RITA1: variants seen among roughly 807,000 people sequenced by gnomAD.
The protein encoded by RITA1 is RBPJ-interacting and tubulin-associated protein 1.
In RITA1, 15 loss-of-function variants were observed where a neutral mutation model predicts 8.7. The observed-to-expected ratio is 1.72, with a 90% confidence interval of 1.15 to 2.65. The LOEUF (loss-of-function observed/expected upper bound fraction) is 2.65. RITA1 is among the 30% of genes most tolerant of loss of function. The probability of loss-of-function intolerance (pLI) is 0.00; values close to 1 mark genes in which losing one functional copy is unlikely to be tolerated. For synonymous variants in RITA1, 145 were observed against 156.2 expected, an observed-to-expected ratio of 0.93 and a Z score of 0.53; for missense variants, 330 against 363.8, an observed-to-expected ratio of 0.91 and a Z score of 0.76.
chr12:113,186,970 G>C lies in RITA1; in HGVS notation c.224G>C (p.Gly75Ala). 6.2e-7 allele frequency: 1 copy of C among 1,613,516 alleles called. No individual in the cohort carries two copies. Among genetic ancestry groups the C allele is most frequent in the Non-Finnish European group, 8.5e-7 (1 of 1,179,796 alleles). Residue 75 changes from glycine (G) to alanine (A), a missense_variant, in exon 3 of 4, where the codon GGG becomes GCG. Physicochemically the swap from Gly to Ala is moderately conservative, Grantham distance 60. Transcript: ENST00000548278. The part of the protein sequence containing the change: ...GVGKEASKAL[G>A]AKGSCETTPS... Reference sequence around the variant, plus strand: ...GGCAAGGAGGCATCGAAGGCCTTGGGGGCAAAGGGGAGCTGTGAGACCACC... The same window carrying C: ...GGCAAGGAGGCATCGAAGGCCTTGGCGGCAAAGGGGAGCTGTGAGACCACC...
In RITA1 at chr12:113,191,529, G is replaced by C; in HGVS notation, c.522G>C (p.Pro174=). 1 of 1,612,458 alleles carries C rather than the reference G, an allele frequency of 6.2e-7. No individual in the cohort carries two copies. Among genetic ancestry groups the C allele is most frequent in the Middle Eastern group, 1.7e-4 (1 of 6,058 alleles). ...IHPAGPSKTE[P]GPAADSQKLS... Reference sequence around the variant, plus strand: ...CAGCTGGTCCCTCCAAGACAGAGCCGGGGCCAGCGGCAGACTCCCAGAAGT... The same window carrying C: ...CAGCTGGTCCCTCCAAGACAGAGCCCGGGCCAGCGGCAGACTCCCAGAAGT... The change falls in exon 4 of 4, where the codon CCG becomes CCC. Residue 174 remains proline (P), a synonymous_variant. Transcript: ENST00000548278. This position sits in a 1 kb window ranked among gnomAD's most constrained non-coding sequence, Gnocchi z 4.0.
At chr12:113,188,426 C>A (rs954625141) in intron 3 of RITA1, among the ~76,000 whole-genome samples, 4 of 152,052 alleles carry the variant, frequency 2.6e-5, no homozygotes, top group African/African-American at 9.7e-5. Flanking sequence ...TCAGGCTGAT[C>A]TTGAACTCCC....
chr12:113,190,544 G>A (rs1168135612), intron 3 of RITA1, among the ~76,000 whole-genome samples: 10 of 152,302 alleles, frequency 6.6e-5, no homozygotes, highest in African/African-American at 2.2e-4. Flanking sequence ...AGCTATTAGG[G>A]AGGCTGAGGT....
intron 3 of RITA1, among the ~76,000 whole-genome samples, chr12:113,187,799 A>G (rs1371130335): frequency 6.6e-6 from 1 of 151,362 alleles, no homozygotes; most frequent in Non-Finnish European, 1.5e-5. Flanking sequence ...TTCTTGCTGC[A>G]TTTTTATGAA....
intron 3 of RITA1, among the ~76,000 whole-genome samples, chr12:113,190,571 C>T (rs1261323498): frequency 1.3e-5 from 2 of 152,140 alleles, no homozygotes; most frequent in Non-Finnish European, 2.9e-5. Flanking sequence ...ATTGCTTGGG[C>T]CCAGGAATTT....
intron 3 of RITA1, among the ~76,000 whole-genome samples, chr12:113,188,120 C>G (rs1743420781): frequency 6.6e-6 from 1 of 151,948 alleles, no homozygotes; most frequent in Non-Finnish European, 1.5e-5. Flanking sequence ...ACGATCTTGG[C>G]TCACCACAAC....
rs1336887764 is a variant in RITA1 at position 113,187,159 on chromosome 12, T to G, written c.302+111T>G. On this transcript the variant is annotated intron_variant, in intron 3 of 3. Transcript: ENST00000548278. ...CCTTGGGCAAGCATCTTGACCTCTC[T>G]GAGCCAGTTTACTCATGTGGAAAAT... 11 of 1,166,236 alleles carry G rather than the reference T, an allele frequency of 9.4e-6. No individual in the cohort carries two copies. The East Asian group carries it at 2.8e-4, about 30-fold the overall frequency. The allele number at this position is 1,166,236 out of a possible 1,614,324, so 72.2% of individuals were successfully genotyped here. A position where few individuals can be genotyped will look rare whatever the true frequency, so the allele number is the denominator to read the frequency against.
rs917473568 is a variant in RITA1 at position 113,191,988 on chromosome 12, C to T, written c.*171C>T. 7 of 850,122 alleles carry T rather than the reference C, an allele frequency of 8.2e-6. No individual in the cohort carries two copies. Among genetic ancestry groups the T allele is most frequent in the South Asian group, 2.0e-5 (1 of 50,224 alleles). 52.7% of individuals were successfully genotyped at this position (850,122 alleles called of 1,614,324 possible). On this transcript the variant is annotated 3_prime_UTR_variant, in exon 4 of 4. Transcript: ENST00000548278. This position sits in a 1 kb window ranked among gnomAD's most constrained non-coding sequence, Gnocchi z 4.0. ...TCCCTTTATCCTGACAATCTCTAGT[C>T]GATTCTTGCCTTTTTCTCCCGATTG...
intron 3 of RITA1, among the ~76,000 whole-genome samples, chr12:113,189,441 G>A (rs1166365928): frequency 6.6e-6 from 1 of 152,184 alleles, no homozygotes; most frequent in Non-Finnish European, 1.5e-5. Context: ...TGGTGTCCAT[G>A]AAAAGGGAGG....
rs758608716 is a variant in RITA1, at chr12:113,191,833, G to GTTGC, written c.*17_*20dup. 1 of 1,579,506 alleles carries GTTGC rather than the reference G, an allele frequency of 6.3e-7. No homozygotes were observed. The highest frequency in any genetic ancestry group is 8.6e-7 in the Non-Finnish European group (1 of 1,161,070). On this transcript the variant is annotated 3_prime_UTR_variant, in exon 4 of 4. Transcript: ENST00000548278. The surrounding 1 kb of genome is among the most constrained non-coding windows in gnomAD (Gnocchi z 4.0). The stretch of plus-strand genomic sequence containing the variant: ...TTGGAAATGATACTCTTTCATCAGG[G>GTTGC]TTGCCTATGGGGCCACGGCGACAGG...
At chr12:113,187,241 T>C (rs1039290808) in intron 3 of RITA1, 193 bp downstream of exon 3, 7 of 612,486 alleles carry the variant, frequency 1.1e-5, no homozygotes, top group African/African-American at 1.1e-4. Flanking sequence ...GAGAGGGGTC[T>C]GCAGTGCTTC....
At position 113,185,723 on chromosome 12, in the gene RITA1, T is replaced by C. The variant is rs1196266042; in HGVS notation, c.-495T>C. The C allele has an allele frequency of 1.7e-6, 1 of 573,162 alleles. No individual in the cohort carries two copies. Among genetic ancestry groups the C allele is most frequent in the African/African-American group, 1.9e-5 (1 of 51,428 alleles). The allele number at this position is 573,162 out of a possible 1,614,324, so 35.5% of individuals were successfully genotyped here. ...CGAATGGTCCGGGCCGCGTCCGCAGTGCTGCTGGCTGCTCCCTGGTTGCTG... is the reference window on the plus strand; with the variant it reads ...CGAATGGTCCGGGCCGCGTCCGCAGCGCTGCTGGCTGCTCCCTGGTTGCTG... On this transcript the variant is annotated 5_prime_UTR_variant, in exon 1 of 4. Transcript: ENST00000548278.
At position 113,188,787 on chromosome 12, in the gene RITA1, C is replaced by CTTTTTTTTTTTT. The variant is rs760372956; in HGVS notation, c.302+1769_302+1780dup. On this transcript the variant is annotated intron_variant, in intron 3 of 3. Transcript: ENST00000548278. ...TATAATGTTATTTAGCCTTAGTTAC[C>CTTTTTTTTTTTT]TTTTTTTTTTTTTTTTTTTTTTTTT... Among the ~76,000 whole-genome samples the CTTTTTTTTTTTT allele has an allele frequency of 5.5e-5, 4 of 73,200 alleles. 1 individual carries two copies. The highest frequency in any genetic ancestry group is 3.2e-4 in the Admixed American group (2 of 6,180). The allele number at this position is 73,200 out of a possible 152,430, so 48.0% of individuals were successfully genotyped here.
At chr12:113,186,468 G>A (rs999490979) in intron 2 of RITA1, among the ~76,000 whole-genome samples, 152 bp downstream of exon 2, 17 of 152,038 alleles carry the variant, frequency 1.1e-4, no homozygotes, top group Non-Finnish European at 2.2e-4. Flanking sequence ...GAGTCATTCT[G>A]TAAATAATTG....
rs746877722 is a variant in RITA1, at chr12:113,191,458, A to G, written c.451A>G (p.Ser151Gly). Reference protein sequence around the residue: ...LWTPPPTPRGSHSPRPREAPL... With the variant: ...LWTPPPTPRGGHSPRPREAPL... ...GACGCCACCACCTACCCCCAGGGGT[A>G]GCCACTCGCCCCGCCCCAGGGAGGC... Residue 151 changes from serine to glycine, a missense_variant, in exon 4 of 4, where the codon AGC (serine) becomes GGC (glycine). Coordinates refer to ENST00000548278, the MANE Select transcript of RITA1 (RefSeq NM_032848.3). This position sits in a 1 kb window ranked among gnomAD's most constrained non-coding sequence, Gnocchi z 4.0. The G allele has an allele frequency of 2.1e-5, 33 of 1,605,942 alleles. No homozygotes were observed. Among genetic ancestry groups the G allele is most frequent in the South Asian group, 1.9e-4 (17 of 90,760 alleles).
chr12:113,189,732 TA>T (rs34117781), intron 3 of RITA1, among the ~76,000 whole-genome samples: 7,813 of 76,962 alleles, frequency 0.1, 219 homozygotes, highest in East Asian at 0.24. Context: ...ATCTGTTGAA[TA>T]AAAAAAAAAA....
At chr12:113,190,155 C>G (rs1313445386) in intron 3 of RITA1, among the ~76,000 whole-genome samples, 7 of 151,616 alleles carry the variant, frequency 4.6e-5, no homozygotes, top group African/African-American at 1.5e-4. Context: ...TGGTGAAACC[C>G]CCCCCGTCTC....
chr12:113,191,650 A>C lies in RITA1; in HGVS notation c.643A>C (p.Thr215Pro). ...LNVPSTGHPA[T>P]SAPHTNGPQD... The stretch of plus-strand genomic sequence containing the variant: ...TGTCCCCAGCACTGGTCATCCAGCC[A>C]CCAGTGCCCCCCACACAAATGGGCC... The change falls in exon 4 of 4, where the codon ACC becomes CCC. Residue 215 changes from threonine (T) to proline (P), a missense_variant. Transcript: ENST00000548278. The surrounding 1 kb of genome is among the most constrained non-coding windows in gnomAD (Gnocchi z 4.0). The C allele has an allele frequency of 6.2e-7, 1 of 1,614,098 alleles. No individual in the cohort carries two copies. Among genetic ancestry groups the C allele is most frequent in the Non-Finnish European group, 8.5e-7 (1 of 1,180,012 alleles).
Position 113,191,656 on chromosome 12 carries a change from G to T in RITA1, c.649G>T (p.Ala217Ser), listed in dbSNP as rs1952605986. 1 of 1,613,974 alleles carries T rather than the reference G, an allele frequency of 6.2e-7. No homozygotes were observed. The stretch of plus-strand genomic sequence containing the variant: ...CAGCACTGGTCATCCAGCCACCAGT[G>T]CCCCCCACACAAATGGGCCTCAGGA... Reference protein sequence around the residue: ...VPSTGHPATSAPHTNGPQDLR... With the variant: ...VPSTGHPATSSPHTNGPQDLR... The change falls in exon 4 of 4, where the codon GCC becomes TCC. Residue 217 changes from alanine (A) to serine (S), a missense_variant. Coordinates refer to ENST00000548278, the MANE Select transcript of RITA1 (RefSeq NM_032848.3). The surrounding 1 kb of genome is among the most constrained non-coding windows in gnomAD (Gnocchi z 4.0).
Sources: allele counts gnomAD v4.1 joint callset (sites outside exome capture counted in the v4.1 genomes callset), GRCh38; gene constraint gnomAD v4.1.1; non-coding constraint Gnocchi (gnomAD v3.1); transcripts MANE v1.5; gene names NCBI Gene and HGNC (gene_info 2026-07-23, HGNC 2026-07-21).